The following CDC40 variants were observed in gnomAD, a reference collection of about 807,000 sequenced individuals.
CDC40 encodes the protein pre-mRNA-processing factor 17.
A neutral mutation model predicts 80.6 loss-of-function variants in CDC40; 27 were observed. The observed-to-expected ratio is 0.33, with a 90% CI of 0.25 to 0.46. The LOEUF is 0.46. Ranked by LOEUF, CDC40 falls within the 20% of genes least tolerant of loss-of-function variation. The pLI is 1.00. For synonymous variants in CDC40, 221 were observed against 232.6 expected, an observed-to-expected ratio of 0.95 and a Z score of 0.45; for missense variants, 486 against 694.1, an observed-to-expected ratio of 0.70 and a Z score of 3.37.
intron 12 of CDC40, among the ~76,000 whole-genome samples, chr6:110,225,583 A>G (rs1424731328): frequency 1.3e-5 from 2 of 152,112 alleles, no homozygotes; most frequent in Non-Finnish European, 2.9e-5. Context: ...GGGCTAGATC[A>G]GCTCACAGAT....
In CDC40 at chr6:110,229,951, T is replaced by C; in HGVS notation, c.1563-3T>C. ...TTTGAATTTATCTTTCTTCCCATTA[T>C]AGTTATGTGATTTCAGGAGATGGAA... On this transcript the variant is annotated splice_region_variant and splice_polypyrimidine_tract_variant and intron_variant, in intron 14 of 14. Transcript: ENST00000307731. 1 of 1,585,002 alleles carries C rather than the reference T, an allele frequency of 6.3e-7. No individual in the cohort carries two copies. Among genetic ancestry groups the C allele is most frequent in the South Asian group, 1.1e-5 (1 of 90,244 alleles).
intron 1 of CDC40, among the ~76,000 whole-genome samples, chr6:110,190,020 C>T (rs932446445): frequency 2.6e-5 from 4 of 152,148 alleles, no homozygotes; most frequent in Non-Finnish European, 5.9e-5. Context: ...TTTCTGTCTT[C>T]AATTTAATTT....
At chr6:110,188,979 A>G (rs1359215982) in intron 1 of CDC40, among the ~76,000 whole-genome samples, 5 of 152,182 alleles carry the variant, frequency 3.3e-5, no homozygotes, top group Non-Finnish European at 2.9e-5. Context: ...ACTCATAAGG[A>G]TTTTATAATG....
chr6:110,213,658 GTTTA>G (rs1156744264), intron 8 of CDC40, among the ~76,000 whole-genome samples: 1 of 152,110 alleles, frequency 6.6e-6, no homozygotes. Context: ...ATATGTAATA[GTTTA>G]TTTGTTTCTC....
intron 1 of CDC40, 148 bp downstream of exon 1, chr6:110,180,781 C>T (rs1381715710): frequency 4.7e-6 from 3 of 632,752 alleles, no homozygotes; most frequent in African/African-American, 3.7e-5. Context: ...CCACATGCAT[C>T]CTCGGGAGAG....
chr6:110,213,089 G>A lies in CDC40; in HGVS notation c.871G>A (p.Val291Ile), dbSNP rs755989721. The A allele has an allele frequency of 7.4e-5, 118 of 1,600,110 alleles. 1 individual carries two copies. The highest frequency in any genetic ancestry group is 8.5e-5 in the Non-Finnish European group (99 of 1,167,298). Residue 291 changes from valine (V) to isoleucine (I), a missense_variant, in exon 8 of 15, where the codon GTC (valine) becomes ATC (isoleucine). Val to Ile is a conservative substitution (Grantham distance 29, BLOSUM62 3). Around this residue, in one of 3 missense-constraint regions of CDC40, gnomAD observed 381 missense variants for 492.1 expected, o/e 0.77. Transcript: ENST00000307731. ...TAACTGTAATACCTTTTTATAGGGC[G>A]TCAGTGCAGTCAGATTGTTTCCTCT... ...IHVWSGHTKG[V>I]SAVRLFPLSG...
At chr6:110,183,447 C>T (rs938225218) in intron 1 of CDC40, among the ~76,000 whole-genome samples, 5 of 152,118 alleles carry the variant, frequency 3.3e-5, no homozygotes, top group South Asian at 2.1e-4. Flanking sequence ...AGTGCAATCA[C>T]GAATAAATAA....
chr6:110,220,235 C>T (rs894860753), intron 12 of CDC40, among the ~76,000 whole-genome samples: 3 of 151,940 alleles, frequency 2.0e-5, no homozygotes, highest in South Asian at 2.1e-4. Flanking sequence ...CTAGAACCAC[C>T]CAAAGAAAAT....
intron 1 of CDC40, among the ~76,000 whole-genome samples, chr6:110,183,755 A>G (rs996592326): frequency 2.0e-5 from 3 of 152,136 alleles, no homozygotes; most frequent in Admixed American, 2.0e-4. Flanking sequence ...CAGAGAATAC[A>G]TTTTTGCAGC....
intron 2 of CDC40, among the ~76,000 whole-genome samples, chr6:110,198,461 G>A (rs1180891906): frequency 2.0e-5 from 3 of 152,172 alleles, no homozygotes; most frequent in African/African-American, 7.2e-5. Flanking sequence ...ACAGGCATGA[G>A]CCACTGCACC....
intron 10 of CDC40, among the ~76,000 whole-genome samples, chr6:110,218,795 T>C (rs1777731302): frequency 6.6e-6 from 1 of 151,970 alleles, no homozygotes; most frequent in African/African-American, 2.4e-5. Context: ...TACAGTAAAA[T>C]GTATGAAGTG....
chr6:110,186,979 T>TA (rs1467134616), intron 1 of CDC40, among the ~76,000 whole-genome samples: 1 of 152,190 alleles, frequency 6.6e-6, no homozygotes, highest in Non-Finnish European at 1.5e-5. Flanking sequence ...ATTTTCTGGA[T>TA]AAAATTTTTT....
chr6:110,184,680 A>C (rs1777242275), intron 1 of CDC40, among the ~76,000 whole-genome samples: 1 of 152,148 alleles, frequency 6.6e-6, no homozygotes, highest in Non-Finnish European at 1.5e-5. Context: ...AAATAAAAAT[A>C]AAAAGGATGT....
chr6:110,203,497 G>A (rs572897464), intron 3 of CDC40, among the ~76,000 whole-genome samples: 23 of 152,294 alleles, frequency 1.5e-4, no homozygotes, highest in Non-Finnish European at 2.9e-4. Context: ...CATACAGGAG[G>A]TGACACATGA....
chr6:110,216,756 G>C (rs1777704439), intron 9 of CDC40, among the ~76,000 whole-genome samples: 1 of 152,064 alleles, frequency 6.6e-6, no homozygotes, highest in Admixed American at 6.6e-5. Context: ...GCAAAAATAG[G>C]AACATTTTTG....
chr6:110,215,390 T>C, intron 9 of CDC40, 59 bp downstream of exon 9: 1 of 1,309,630 alleles, frequency 7.6e-7, no homozygotes, highest in East Asian at 2.3e-5. Flanking sequence ...TAAGATAACA[T>C]CATTGACAAT....
rs1777493339 is a variant in CDC40 at position 110,201,579 on chromosome 6, A to G, written c.298A>G (p.Arg100Gly). The G allele has an allele frequency of 6.2e-7, 1 of 1,610,352 alleles. No individual in the cohort carries two copies. Among genetic ancestry groups the G allele is most frequent in the Non-Finnish European group, 8.5e-7 (1 of 1,177,510 alleles). ...APEFGPENPFRTQQMAAPRNM... is the reference protein window; with the variant it reads ...APEFGPENPFGTQQMAAPRNM... ...GCAGTTTGGACCAGAAAATCCCTTT[A>G]GGACACAGCAAATGGCTGCCCCTAG... Residue 100 changes from arginine to glycine, a missense_variant, in exon 3 of 15, where the codon AGG (arginine) becomes GGG (glycine). Arg to Gly is a moderately radical substitution (Grantham distance 125). This residue lies in a region of CDC40 where 381 missense variants were observed against 492.1 expected (regional missense o/e 0.77). Transcript: ENST00000307731.
intron 1 of CDC40, among the ~76,000 whole-genome samples, chr6:110,187,154 A>G (rs537012093): frequency 3.2e-4 from 49 of 152,190 alleles, no homozygotes; most frequent in African/African-American, 1.1e-3. Context: ...AATTTTTTGT[A>G]TTTTTAGTAG....
At position 110,210,706 on chromosome 6, in the gene CDC40, G is replaced by A; in HGVS notation, c.631-1G>A. On this transcript the variant is annotated splice_acceptor_variant, in intron 5 of 14. Transcript: ENST00000307731. LOFTEE classifies it high-confidence loss of function. ...TAAATTTCACTCCTTAATTTTCTTA[G>A]GAAGAGCAAAAAGAATTGGATGAAA... The A allele has an allele frequency of 6.6e-7, 1 of 1,525,288 alleles. No homozygotes were observed. Among genetic ancestry groups the A allele is most frequent in the Non-Finnish European group, 8.8e-7 (1 of 1,137,534 alleles). 94.5% of individuals were successfully genotyped at this position (1,525,288 alleles called of 1,614,324 possible). A position where few individuals can be genotyped will look rare whatever the true frequency, so the allele number is the denominator to read the frequency against.
Sources: allele counts gnomAD v4.1 joint callset (sites outside exome capture counted in the v4.1 genomes callset), GRCh38; gene constraint gnomAD v4.1.1; regional missense constraint gnomAD v4.1.1; transcripts MANE v1.5; gene names NCBI Gene and HGNC (gene_info 2026-07-23, HGNC 2026-07-21).